COL9A1: variants seen among roughly 807,000 people sequenced by gnomAD.
The protein encoded by COL9A1 is collagen alpha-1(IX) chain.
COL9A1 carries 104 observed loss-of-function variants against 142.6 expected under a neutral mutation model. That is an observed-to-expected ratio of 0.73 (90% CI 0.62 to 0.86). The LOEUF (loss-of-function observed/expected upper bound fraction) is 0.86, where lower values mean the gene tolerates loss of function less well. Among genes scored for constraint, COL9A1 ranks in the 40% least tolerant of loss-of-function variants. The pLI is 0.00. For synonymous variants in COL9A1, 466 were observed against 396.0 expected (o/e 1.18, Z -2.10); for missense variants, 1,210 against 1,176.6 (o/e 1.03, Z -0.42).
At chr6:70,299,920 C>T in intron 4 of COL9A1, 123 bp downstream of exon 4, 2 of 940,016 alleles carry the variant, frequency 2.1e-6, no homozygotes. Flanking sequence ...TAAATTTCTT[C>T]ATCTTTAAAT....
In COL9A1 at chr6:70,283,673, A is replaced by G; in HGVS notation, c.780+64T>C. On this transcript the variant is annotated intron_variant, in intron 6 of 37. Transcript: ENST00000357250. ...TGCTGGGGAGGTGGCAAGATGGGAA[A>G]GTGGTGAGGTGGAGAGGGTTGAGCT... 2.4e-6 allele frequency: 3 copies of G among 1,224,968 alleles called. No individual in the cohort carries two copies. The African/African-American group carries it at 4.5e-5, about 18-fold the overall frequency. The allele number at this position is 1,224,968 out of a possible 1,614,324, so 75.9% of individuals were successfully genotyped here.
chr6:70,258,832 A>G (rs1771495442), intron 20 of COL9A1: 1 of 152,204 alleles, frequency 6.6e-6, no homozygotes, highest in South Asian at 2.1e-4. Flanking sequence ...ATGGAAAAAT[A>G]TCTCAAATGA....
intron 36 of COL9A1, among the ~76,000 whole-genome samples, chr6:70,230,071 T>C (rs751564981): frequency 6.6e-6 from 1 of 152,206 alleles, no homozygotes; most frequent in Non-Finnish European, 1.5e-5. Context: ...TTACCAGGGA[T>C]GGGGAAAAAA....
In COL9A1 at chr6:70,269,998, T is replaced by C. The variant is rs555319864; in HGVS notation, c.1197+316A>G. ...TTAAATTTTTCTTACTATGAAAACCTTTGTAAAAACTAGTTCATTTGAAAA... is the reference window on the plus strand; with the variant it reads ...TTAAATTTTTCTTACTATGAAAACCCTTGTAAAAACTAGTTCATTTGAAAA... On this transcript the variant is annotated intron_variant, in intron 15 of 37. Transcript: ENST00000357250. Among the ~76,000 whole-genome samples the C allele has an allele frequency of 1.1e-3, 161 of 152,360 alleles. 1 individual carries two copies. Among genetic ancestry groups the C allele is most frequent in the African/African-American group, 3.8e-3 (158 of 41,584 alleles).
chr6:70,300,451 AT>A (rs1010450100), intron 2 of COL9A1, 65 bp from the exon 3 acceptor site: 31 of 597,996 alleles, frequency 5.2e-5, no homozygotes, highest in Non-Finnish European at 7.1e-5. Context: ...TAATAATAAA[AT>A]AAAATAAAAT....
intron 19 of COL9A1, among the ~76,000 whole-genome samples, chr6:70,261,356 G>T (rs1288488967): frequency 6.8e-6 from 1 of 147,470 alleles, no homozygotes. Context: ...ATACTGAAAT[G>T]TTACCATTCT....
chr6:70,228,109 A>T (rs75737649), intron 36 of COL9A1, among the ~76,000 whole-genome samples: 6,005 of 152,212 alleles, frequency 0.039, 159 homozygotes, highest in Non-Finnish European at 0.061. Flanking sequence ...ATTTAGTATT[A>T]TGAAATATAA....
intron 1 of COL9A1, 106 bp downstream of exon 1, chr6:70,302,805 A>G (rs1428224651): frequency 6.5e-6 from 8 of 1,226,798 alleles, no homozygotes; most frequent in Non-Finnish European, 9.7e-6. Context: ...TCTCACCTTG[A>G]GGCTCACCTA....
At chr6:70,289,719 C>T (rs1389381558) in intron 5 of COL9A1, among the ~76,000 whole-genome samples, 1 of 152,106 alleles carries the variant, frequency 6.6e-6, no homozygotes, top group Non-Finnish European at 1.5e-5. Flanking sequence ...TTGTCAAAAA[C>T]AACTTAATAA....
At chr6:70,270,907 G>A (rs1023451505) in intron 14 of COL9A1, among the ~76,000 whole-genome samples, 7 of 152,140 alleles carry the variant, frequency 4.6e-5, no homozygotes, top group African/African-American at 1.7e-4. Context: ...GAAGTAAACC[G>A]TTCAGATGAA....
intron 36 of COL9A1, among the ~76,000 whole-genome samples, chr6:70,230,678 C>A (rs1769486133): frequency 6.6e-6 from 1 of 152,234 alleles, no homozygotes. Flanking sequence ...AAAGCTTCCC[C>A]AAACTATTCA....
At chr6:70,236,735 A>G (rs1466988411) in intron 33 of COL9A1, among the ~76,000 whole-genome samples, 2 of 152,254 alleles carry the variant, frequency 1.3e-5, no homozygotes, top group African/African-American at 4.8e-5. Flanking sequence ...AGACTTCCTG[A>G]AAGACTGTCA....
At chr6:70,221,421 T>C (rs949607826) in intron 37 of COL9A1, among the ~76,000 whole-genome samples, 1 of 152,206 alleles carries the variant, frequency 6.6e-6, no homozygotes, top group Non-Finnish European at 1.5e-5. Context: ...AACTGGTTTA[T>C]GTAAGGCCCA....
At position 70,281,405 on chromosome 6, in the gene COL9A1, G is replaced by A. The variant is rs1467145803; in HGVS notation, c.861C>T (p.Gly287=). 1 of 1,612,524 alleles carries A rather than the reference G, an allele frequency of 6.2e-7. No homozygotes were observed. Among genetic ancestry groups the A allele is most frequent in the Non-Finnish European group, 8.5e-7 (1 of 1,179,386 alleles). The change falls in exon 8 of 38, where the codon GGC becomes GGT. Residue 287 remains glycine, a synonymous_variant. Transcript: ENST00000357250. ...PGPPGPPGVP[G]IDGIDGDRGP... ...AGAAACTTACGTCGATGCCATCGATGCCTGGAACTCCAGGGGGGCCCGGAG... is the reference window on the plus strand; with the variant it reads ...AGAAACTTACGTCGATGCCATCGATACCTGGAACTCCAGGGGGGCCCGGAG...
intron 4 of COL9A1, among the ~76,000 whole-genome samples, chr6:70,297,290 A>G (rs1414052999): frequency 6.6e-6 from 1 of 152,152 alleles, no homozygotes; most frequent in Non-Finnish European, 1.5e-5. Context: ...CGTTAAACTA[A>G]TGGTAGCTGT....
chr6:70,228,546 T>TA (rs1187083878), intron 36 of COL9A1, among the ~76,000 whole-genome samples: 1 of 152,124 alleles, frequency 6.6e-6, no homozygotes, highest in Non-Finnish European at 1.5e-5. Flanking sequence ...CATTCAATAT[T>TA]AAGTCATATT....
In COL9A1 at chr6:70,242,659, TACC is replaced by T; in HGVS notation, c.1926_1926+2del. 6.2e-7 allele frequency: 1 copy of T among 1,613,880 alleles called. No homozygotes were observed. The highest frequency in any genetic ancestry group is 8.5e-7 in the Non-Finnish European group (1 of 1,179,734). On this transcript the variant is annotated splice_donor_variant and coding_sequence_variant, in exon 29 of 38. Coordinates refer to ENST00000357250, the MANE Select transcript of COL9A1 (RefSeq NM_001851.6). LOFTEE classifies it high-confidence loss of function. The stretch of plus-strand genomic sequence containing the variant: ...GGCAAATAAACGAAACTTTTCTACT[TACC>T]AGTTTACCTGGTAGGCCTGGGGATC...
At chr6:70,269,549 G>T in intron 16 of COL9A1, 84 bp downstream of exon 16, 2 of 953,734 alleles carry the variant, frequency 2.1e-6, no homozygotes, top group South Asian at 1.3e-5. Flanking sequence ...GAATATTCCA[G>T]GGAAATCTTT....
At position 70,280,314 on chromosome 6, in the gene COL9A1, T is replaced by C. The variant is rs545416363; in HGVS notation, c.975+498A>G. On this transcript the variant is annotated intron_variant, in intron 10 of 37. Transcript: ENST00000357250. ...CTCACTTCAAGTGCATCTTTCTTTT[T>C]CACATTCCTTGGGATTTAGGAGTGC... 3 of 1,210,574 alleles carry C rather than the reference T, an allele frequency of 2.5e-6. No individual in the cohort carries two copies. In the South Asian group the frequency reaches 1.0e-4, roughly 41 times the overall value. The allele number at this position is 1,210,574 out of a possible 1,614,324, so 75.0% of individuals were successfully genotyped here.
Sources: allele counts gnomAD v4.1 joint callset (sites outside exome capture counted in the v4.1 genomes callset), GRCh38; gene constraint gnomAD v4.1.1; transcripts MANE v1.5; gene names NCBI Gene and HGNC (gene_info 2026-07-23, HGNC 2026-07-21).